PVT1: variants seen among roughly 807,000 people sequenced by gnomAD.
PVT1 encodes the protein Pvt1 oncogene.
At chr8:128,049,632 C>G (rs868475779) in intron 4 of PVT1, among the ~76,000 whole-genome samples, 6 of 152,082 alleles carry the variant, frequency 3.9e-5, no homozygotes, top group African/African-American at 1.4e-4. Flanking sequence ...CAACACAGGG[C>G]TGCCATGCTC....
chr8:127,926,708 A>G (rs912063716), intron 3 of PVT1, among the ~76,000 whole-genome samples: 6 of 152,190 alleles, frequency 3.9e-5, no homozygotes, highest in Non-Finnish European at 7.4e-5. Flanking sequence ...CCTCCTCAGG[A>G]TCTGTCCCCG....
chr8:127,924,580 C>T (rs895514202), intron 3 of PVT1, among the ~76,000 whole-genome samples: 220 of 145,846 alleles, frequency 1.5e-3, no homozygotes, highest in African/African-American at 5.1e-3. Flanking sequence ...GGCTCGATGT[C>T]GGCTCACTGT....
intron 4 of PVT1, among the ~76,000 whole-genome samples, chr8:128,058,830 C>T (rs917748753): frequency 1.3e-5 from 2 of 152,268 alleles, no homozygotes; most frequent in Admixed American, 6.5e-5. Flanking sequence ...TGTCCTCGAG[C>T]CCTCCACAGC....
chr8:127,948,660 A>C (rs929926802), intron 3 of PVT1: 1 of 152,108 alleles, frequency 6.6e-6, no homozygotes, highest in East Asian at 1.9e-4. Flanking sequence ...TATCAGAAGA[A>C]GAGATTAAGA....
chr8:127,912,252 C>T (rs1400694450), intron 3 of PVT1, among the ~76,000 whole-genome samples: 5 of 152,122 alleles, frequency 3.3e-5, no homozygotes, highest in Non-Finnish European at 7.3e-5. Flanking sequence ...AGAATAATAG[C>T]TACTTAAATT....
Position 128,091,935 on chromosome 8 carries a change from G to A in PVT1, n.1115-4583G>A, listed in dbSNP as rs570833369. 3.3e-5 allele frequency among the ~76,000 whole-genome samples: 5 copies of A among 152,262 alleles called. No homozygotes were observed. The South Asian group carries it at 1.0e-3, about 32-fold the overall frequency. On this transcript the variant is annotated intron_variant and non_coding_transcript_variant, in intron 5 of 10. Coordinates refer to ENST00000651587, the Ensembl canonical transcript of PVT1. The stretch of plus-strand genomic sequence containing the variant: ...CCCCATTGTCCTGTGGGGTTGCTGA[G>A]AGCTGTCCTCATAAGATTGTGAGGG...
chr8:127,851,278 T>G (rs1388105349), intron 2 of PVT1, among the ~76,000 whole-genome samples: 1 of 152,186 alleles, frequency 6.6e-6, no homozygotes, highest in Non-Finnish European at 1.5e-5. Context: ...GTGGGTGCTC[T>G]TCTGAGGTTT....
chr8:128,006,097 T>C (rs1374602123), intron 4 of PVT1, among the ~76,000 whole-genome samples: 1 of 132,362 alleles, frequency 7.6e-6, no homozygotes, highest in Non-Finnish European at 1.6e-5. Flanking sequence ...AGTGAGACCT[T>C]GTCTCAAATA....
chr8:127,832,156 C>T (rs1197657980), intron 2 of PVT1, among the ~76,000 whole-genome samples: 1 of 152,148 alleles, frequency 6.6e-6, no homozygotes, highest in African/African-American at 2.4e-5. Flanking sequence ...CCACCCCCAT[C>T]TCGGCATACA....
chr8:128,065,950 C>A (rs1563679065), intron 4 of PVT1, among the ~76,000 whole-genome samples: 2 of 152,176 alleles, frequency 1.3e-5, no homozygotes, highest in African/African-American at 2.4e-5. Flanking sequence ...GAGCTTAGAA[C>A]CTAGTCTGTG....
chr8:127,804,660 C>A (rs1404022812), intron 2 of PVT1, among the ~76,000 whole-genome samples: 1 of 150,254 alleles, frequency 6.7e-6, no homozygotes, highest in East Asian at 1.9e-4. Context: ...TCTGCCTTGG[C>A]CTCCGAGTAG....
At chr8:128,004,205 G>A (rs536208145) in intron 4 of PVT1, among the ~76,000 whole-genome samples, 21 of 152,280 alleles carry the variant, frequency 1.4e-4, no homozygotes, top group Admixed American at 5.2e-4. Context: ...ACAGCAGGCC[G>A]CAACTACTGT....
At chr8:128,044,245 T>C (rs2130094261) in intron 4 of PVT1, among the ~76,000 whole-genome samples, 1 of 151,684 alleles carries the variant, frequency 6.6e-6, no homozygotes, top group Middle Eastern at 3.4e-3. Flanking sequence ...TCTTAATTGA[T>C]CACCATAGCA....
At chr8:128,077,347 C>T (rs761892030) in intron 5 of PVT1, among the ~76,000 whole-genome samples, 43 of 152,246 alleles carry the variant, frequency 2.8e-4, no homozygotes, top group South Asian at 1.0e-3. Flanking sequence ...AGTGCTTTTC[C>T]GCTGCTGAGC....
At chr8:127,970,226 A>C (rs139750063) in intron 3 of PVT1, among the ~76,000 whole-genome samples, 82 of 146,996 alleles carry the variant, frequency 5.6e-4, no homozygotes, top group Admixed American at 2.8e-3. Flanking sequence ...CAGGGGGCAC[A>C]CATTTCAGCA....
In PVT1 at chr8:127,896,076, A is replaced by T. The variant is rs148614313; in HGVS notation, n.782+5078A>T. 3.3e-4 allele frequency among the ~76,000 whole-genome samples: 50 copies of T among 152,384 alleles called. No individual in the cohort carries two copies. The East Asian group carries it at 9.1e-3, about 28-fold the overall frequency. On this transcript the variant is annotated intron_variant and non_coding_transcript_variant, in intron 3 of 10. Transcript: ENST00000651587. ...TGTTACAAGATGCAATATTTCTGTG[A>T]GACTTGTTAAGCAGTATATGCGCAG...
At chr8:127,856,001 G>A (rs1026373977) in intron 2 of PVT1, among the ~76,000 whole-genome samples, 15 of 152,280 alleles carry the variant, frequency 9.9e-5, no homozygotes, top group South Asian at 2.1e-4. Context: ...AGTTCATTCC[G>A]TTGTTATTCT....
At chr8:127,896,279 T>C (rs1361388363) in intron 3 of PVT1, among the ~76,000 whole-genome samples, 1 of 151,648 alleles carries the variant, frequency 6.6e-6, no homozygotes, top group South Asian at 2.1e-4. Context: ...TGACAAGGAG[T>C]GGTCTCGGTG....
chr8:128,025,335 C>T (rs1470395740), intron 4 of PVT1, among the ~76,000 whole-genome samples: 1 of 152,214 alleles, frequency 6.6e-6, no homozygotes, highest in African/African-American at 2.4e-5. Flanking sequence ...GTACCCCTGT[C>T]TCTCAACTAC....
Sources: allele counts gnomAD v4.1 joint callset (sites outside exome capture counted in the v4.1 genomes callset), GRCh38; gene constraint gnomAD v4.1.1; transcripts MANE v1.5; gene names NCBI Gene and HGNC (gene_info 2026-07-23, HGNC 2026-07-21).